EML1: variants seen among roughly 807,000 people sequenced by gnomAD.
EML1 encodes echinoderm microtubule-associated protein-like 1.
EML1 carries 27 observed loss-of-function variants against 110.4 expected under a neutral mutation model. That is an observed-to-expected ratio of 0.24 (90% CI 0.18 to 0.34). EML1 has a LOEUF of 0.34. EML1 is among the 10% of genes least tolerant of loss of function. EML1 has a pLI of 1.00. For missense variants in EML1, 741 were observed against 1,030.9 expected (o/e 0.72, Z 3.85); for synonymous variants, 344 against 385.8 (o/e 0.89, Z 1.27).
rs149892791 is a variant in EML1 at position 99,891,124 on chromosome 14, G to C, written c.519-75G>C. 9,352 of 1,573,570 alleles carry C rather than the reference G, an allele frequency of 5.9e-3. 42 individuals are homozygous for C. Among genetic ancestry groups the C allele is most frequent in the Middle Eastern group, 0.035 (207 of 5,974 alleles). On this transcript the variant is annotated intron_variant, in intron 4 of 21. Transcript: ENST00000262233. ...TGTGTGGCAGACTACTGCAGCCGTG[G>C]CTTTGGGGTCTGAAGTGAATGAGAT...
intron 17 of EML1, among the ~76,000 whole-genome samples, chr14:99,928,192 T>A (rs1313881091): frequency 3.7e-5 from 2 of 53,428 alleles, no homozygotes; most frequent in Non-Finnish European, 7.7e-5. Flanking sequence ...GTGGTGGTGG[T>A]GGTGGTGGTG....
chr14:99,887,249 A>G (rs1261578346), intron 4 of EML1, among the ~76,000 whole-genome samples: 1 of 152,222 alleles, frequency 6.6e-6, no homozygotes, highest in Admixed American at 6.5e-5. Flanking sequence ...TCAAGGGAGC[A>G]TACAGCCGAG....
chr14:99,871,970 G>A (rs1356706914), intron 3 of EML1, among the ~76,000 whole-genome samples: 3 of 152,148 alleles, frequency 2.0e-5, no homozygotes, highest in Non-Finnish European at 2.9e-5. Flanking sequence ...GCTGCTTCCC[G>A]CACAGATTTC....
intron 1 of EML1, among the ~76,000 whole-genome samples, chr14:99,757,696 T>G (rs1476427676): frequency 6.6e-6 from 1 of 152,228 alleles, no homozygotes; most frequent in East Asian, 1.9e-4. Context: ...AACATTTTAA[T>G]TGGGTTGTGA....
chr14:99,835,520 T>C (rs1402936465), intron 1 of EML1, among the ~76,000 whole-genome samples: 1 of 152,216 alleles, frequency 6.6e-6, no homozygotes, highest in Non-Finnish European at 1.5e-5. Context: ...CCTGAAGGTT[T>C]GGTTTTCTTA....
Position 99,879,452 on chromosome 14 carries a change from A to G in EML1, c.518+833A>G, listed in dbSNP as rs1161203929. ...GCTAAGCATGTGTTTTTTTTCCCAA[A>G]TGTTCATGTAAGGAGAAGGCTTAGT... On this transcript the variant is annotated intron_variant, in intron 4 of 21. Transcript: ENST00000262233. Among the ~76,000 whole-genome samples the G allele has an allele frequency of 2.7e-5, 4 of 150,060 alleles. No individual in the cohort carries two copies. The East Asian group carries it at 8.3e-4, about 31-fold the overall frequency.
At position 99,939,840 on chromosome 14, in the gene EML1, C is replaced by T; in HGVS notation, c.2323-147C>T. 2.0e-6 allele frequency: 2 copies of T among 1,014,626 alleles called. No homozygotes were observed. The highest frequency in any genetic ancestry group is 2.7e-5 in the East Asian group (1 of 37,686). 62.9% of individuals were successfully genotyped at this position (1,014,626 alleles called of 1,614,324 possible). On this transcript the variant is annotated intron_variant, in intron 21 of 21. Coordinates refer to ENST00000262233, the MANE Select transcript of EML1 (RefSeq NM_004434.3). This position sits in a 1 kb window ranked among gnomAD's most constrained non-coding sequence, Gnocchi z 4.2. ...CTTTGTTTCTGTGTCCCTTCTGTGT[C>T]ACACACAGAGCAGGTTCCCAAGTGA...
At chr14:99,894,498 AG>A (rs2059640070) in intron 5 of EML1, 130 bp from the exon 6 acceptor site, 3 of 1,105,056 alleles carry the variant, frequency 2.7e-6, no homozygotes, top group South Asian at 6.4e-5. Context: ...TTTTTTCCCT[AG>A]GATATCAATT....
intron 1 of EML1, among the ~76,000 whole-genome samples, chr14:99,806,250 C>T (rs984925582): frequency 2.6e-5 from 4 of 151,868 alleles, no homozygotes; most frequent in African/African-American, 9.7e-5. Context: ...CGGATCACAC[C>T]CACGTGCATT....
chr14:99,772,204 C>G (rs2057434673), upstream of EML1, among the ~76,000 whole-genome samples: 1 of 152,238 alleles, frequency 6.6e-6, no homozygotes, highest in Admixed American at 6.5e-5. Flanking sequence ...ACTCACACCT[C>G]AAACTTTGTG....
chr14:99,813,723 T>G (rs2058119598), intron 1 of EML1, among the ~76,000 whole-genome samples: 1 of 152,170 alleles, frequency 6.6e-6, no homozygotes, highest in Non-Finnish European at 1.5e-5. Flanking sequence ...AAAAATTTTT[T>G]TTTAACTATA....
chr14:99,770,365 TA>T (rs536107788), upstream of EML1, among the ~76,000 whole-genome samples: 1 of 120,218 alleles, frequency 8.3e-6, no homozygotes, highest in Non-Finnish European at 1.8e-5. Context: ...CGTGTCTTTT[TA>T]AAAAATTTCT....
chr14:99,875,114 C>A, intron 3 of EML1: 1 of 770,238 alleles, frequency 1.3e-6, no homozygotes, highest in Non-Finnish European at 2.1e-6. Context: ...AATCATGTAA[C>A]TATATTAATC....
intron 1 of EML1, among the ~76,000 whole-genome samples, chr14:99,744,499 G>A (rs1405106310): frequency 6.6e-6 from 1 of 152,180 alleles, no homozygotes; most frequent in African/African-American, 2.4e-5. Context: ...AGGAACAGCA[G>A]TAATGTCTGC....
intron 11 of EML1, 65 bp from the exon 12 acceptor site, chr14:99,910,177 T>G: frequency 1.7e-6 from 2 of 1,198,052 alleles, no homozygotes; most frequent in Non-Finnish European, 2.3e-6. Context: ...AATGAAAGGT[T>G]GTCTGGAATA....
At chr14:99,775,322 G>A (rs1216260555) in intron 1 of EML1, among the ~76,000 whole-genome samples, 5 of 152,210 alleles carry the variant, frequency 3.3e-5, no homozygotes, top group African/African-American at 1.2e-4. Context: ...CAGGTACTAG[G>A]CACTGAGGCA....
upstream of EML1, among the ~76,000 whole-genome samples, chr14:99,770,610 T>C (rs139532185): frequency 4.6e-5 from 7 of 152,160 alleles, no homozygotes; most frequent in African/African-American, 1.7e-4. Context: ...TTTACCTCCC[T>C]GGGCCTCATT....
intron 1 of EML1, among the ~76,000 whole-genome samples, chr14:99,797,090 A>G (rs929602395): frequency 3.3e-5 from 5 of 152,188 alleles, no homozygotes; most frequent in African/African-American, 4.8e-5. Flanking sequence ...AAACCCTAGT[A>G]CCTACTAGCA....
At chr14:99,803,531 A>G (rs2057919509) in intron 1 of EML1, among the ~76,000 whole-genome samples, 1 of 152,226 alleles carries the variant, frequency 6.6e-6, no homozygotes, top group African/African-American at 2.4e-5. Flanking sequence ...CAGGCCCAGG[A>G]GACTGGCTTA....
Sources: gnomAD v4.1 joint callset for allele counts (sites outside exome capture counted in the v4.1 genomes callset) on GRCh38, gnomAD v4.1.1 for gene constraint, Gnocchi (gnomAD v3.1) non-coding constraint, MANE v1.5 for transcripts, NCBI Gene and HGNC (gene_info 2026-07-23, HGNC 2026-07-21) for gene names.